CDH18: variants seen among roughly 807,000 people sequenced by gnomAD.
The protein encoded by CDH18 is cadherin 18, also known as cadherin-18.
CDH18 carries 31 observed loss-of-function variants against 67.9 expected under a neutral mutation model. That is an observed-to-expected ratio of 0.46 (90% CI 0.34 to 0.62). The LOEUF (loss-of-function observed/expected upper bound fraction) is 0.62, where lower values mean the gene tolerates loss of function less well. Among genes scored for constraint, CDH18 ranks in the 20% least tolerant of loss-of-function variants. The pLI is 0.01. For synonymous variants in CDH18, 362 were observed against 347.2 expected (o/e 1.04, Z -0.48); for missense variants, 890 against 975.5 (o/e 0.91, Z 1.17).
intron 2 of CDH18, among the ~76,000 whole-genome samples, chr5:19,876,382 G>T (rs1285480237): frequency 6.6e-6 from 1 of 152,066 alleles, no homozygotes; most frequent in Non-Finnish European, 1.5e-5. Context: ...AGAAAAAAGT[G>T]CAAGAAATAT....
chr5:19,837,975 T>C (rs1291594824), intron 3 of CDH18, among the ~76,000 whole-genome samples: 1 of 152,140 alleles, frequency 6.6e-6, no homozygotes, highest in Non-Finnish European at 1.5e-5. Flanking sequence ...AGAGCCTAGA[T>C]GACACATGCT....
At chr5:20,441,419 G>A (rs534400243) in intron 1 of CDH18, among the ~76,000 whole-genome samples, 1 of 151,780 alleles carries the variant, frequency 6.6e-6, no homozygotes, top group African/African-American at 2.4e-5. Context: ...AATGATGTGT[G>A]TGCGTCTGTG....
intron 1 of CDH18, among the ~76,000 whole-genome samples, chr5:20,558,045 T>TG (rs1758013914): frequency 6.7e-6 from 1 of 148,262 alleles, no homozygotes; most frequent in African/African-American, 2.6e-5. Flanking sequence ...ATAACATTAA[T>TG]TGTTATATAA....
chr5:19,490,207 T>C (rs1425839608), intron 11 of CDH18, among the ~76,000 whole-genome samples: 6 of 151,926 alleles, frequency 3.9e-5, no homozygotes, highest in African/African-American at 1.5e-4. Flanking sequence ...ATTTTTAAAA[T>C]AGTTTTTCTT....
At chr5:19,730,768 T>A (rs1431095047) in intron 4 of CDH18, among the ~76,000 whole-genome samples, 3 of 147,064 alleles carry the variant, frequency 2.0e-5, no homozygotes, top group Admixed American at 6.7e-5. Flanking sequence ...TATTAAATGG[T>A]AAAAAAAAAA....
chr5:19,488,743 C>T (rs901855228), intron 11 of CDH18, among the ~76,000 whole-genome samples: 1 of 152,148 alleles, frequency 6.6e-6, no homozygotes, highest in African/African-American at 2.4e-5. Context: ...ATTATATTGA[C>T]ATGGAGGAAG....
chr5:20,418,467 C>G (rs1747535429), intron 1 of CDH18, among the ~76,000 whole-genome samples: 1 of 151,548 alleles, frequency 6.6e-6, no homozygotes, highest in Non-Finnish European at 1.5e-5. Flanking sequence ...TAAACACATG[C>G]GCATGTACAC....
chr5:20,547,939 T>G (rs945989784), intron 1 of CDH18, among the ~76,000 whole-genome samples: 8 of 151,976 alleles, frequency 5.3e-5, no homozygotes, highest in Admixed American at 4.6e-4. Context: ...AGCTCTCAGT[T>G]TGAATATAGG....
chr5:20,055,075 A>AT (rs143910007), intron 2 of CDH18, among the ~76,000 whole-genome samples: 82 of 151,396 alleles, frequency 5.4e-4, no homozygotes, highest in South Asian at 4.6e-3. Context: ...GTAAGTAGTC[A>AT]TTTTTTTTTC....
At chr5:20,276,156 T>G (rs1379725507) in intron 1 of CDH18, among the ~76,000 whole-genome samples, 1 of 152,212 alleles carries the variant, frequency 6.6e-6, no homozygotes, top group Non-Finnish European at 1.5e-5. Flanking sequence ...TTGCTGGGCT[T>G]GGAGCCAGTG....
intron 5 of CDH18, among the ~76,000 whole-genome samples, chr5:19,644,411 A>G (rs1210369961): frequency 2.0e-5 from 3 of 152,148 alleles, no homozygotes; most frequent in African/African-American, 7.2e-5. Context: ...TTAATATATG[A>G]AAGCAATGTG....
intron 5 of CDH18, among the ~76,000 whole-genome samples, chr5:19,620,411 G>A (rs1024928964): frequency 1.3e-5 from 2 of 152,072 alleles, no homozygotes; most frequent in Non-Finnish European, 2.9e-5. Flanking sequence ...AATCATACCC[G>A]GGATTTCCTG....
intron 8 of CDH18, among the ~76,000 whole-genome samples, chr5:19,555,206 C>A (rs1738171409): frequency 6.6e-6 from 1 of 152,114 alleles, no homozygotes; most frequent in Non-Finnish European, 1.5e-5. Context: ...CATGTGGAGA[C>A]CCACACTGTG....
At chr5:19,575,999 T>C (rs747494662) in intron 7 of CDH18, among the ~76,000 whole-genome samples, 3 of 152,104 alleles carry the variant, frequency 2.0e-5, no homozygotes, top group African/African-American at 4.8e-5. Flanking sequence ...AGGGGAAACA[T>C]AGAAGACTTT....
At chr5:19,656,697 T>A (rs1172119819) in intron 5 of CDH18, among the ~76,000 whole-genome samples, 5 of 152,104 alleles carry the variant, frequency 3.3e-5, no homozygotes, top group Non-Finnish European at 5.9e-5. Flanking sequence ...TAGGTTTCTG[T>A]TGACAAATAT....
chr5:19,937,387 T>C (rs1177595484), intron 2 of CDH18, among the ~76,000 whole-genome samples: 1 of 151,400 alleles, frequency 6.6e-6, no homozygotes, highest in Non-Finnish European at 1.5e-5. Flanking sequence ...GTGATTTACA[T>C]ATGGCCCTGA....
intron 3 of CDH18, among the ~76,000 whole-genome samples, chr5:19,815,589 T>C (rs1390002512): frequency 6.6e-6 from 1 of 151,886 alleles, no homozygotes; most frequent in Non-Finnish European, 1.5e-5. Context: ...GGTTGTCTTC[T>C]AAGTAATGAA....
At chr5:19,578,068 A>G (rs1026021850) in intron 7 of CDH18, among the ~76,000 whole-genome samples, 1 of 152,162 alleles carries the variant, frequency 6.6e-6, no homozygotes, top group African/African-American at 2.4e-5. Context: ...TTTACCAAGG[A>G]AAGAGGAAGT....
At chr5:19,765,107 G>C (rs1229350259) in intron 3 of CDH18, among the ~76,000 whole-genome samples, 1 of 151,972 alleles carries the variant, frequency 6.6e-6, no homozygotes, top group Admixed American at 6.6e-5. Context: ...CATAGTTCTG[G>C]CCTTTATCAA....
Sources: allele counts gnomAD v4.1 joint callset (sites outside exome capture counted in the v4.1 genomes callset), GRCh38; gene constraint gnomAD v4.1.1; transcripts MANE v1.5; gene names NCBI Gene and HGNC (gene_info 2026-07-23, HGNC 2026-07-21).